SLC4A4: variants seen among roughly 807,000 people sequenced by gnomAD.
SLC4A4 encodes the protein electrogenic sodium bicarbonate cotransporter 1.
In SLC4A4, 27 loss-of-function variants were observed where a neutral mutation model predicts 111.5. The observed-to-expected ratio is 0.24, with a 90% CI of 0.18 to 0.33. The LOEUF (loss-of-function observed/expected upper bound fraction) is 0.33, where lower values mean the gene tolerates loss of function less well. Ranked by LOEUF, SLC4A4 falls within the 10% of genes least tolerant of loss-of-function variation. SLC4A4 has a pLI of 1.00. For synonymous variants in SLC4A4, 443 were observed against 463.4 expected, an observed-to-expected ratio of 0.96 and a Z score of 0.57; for missense variants, 909 against 1,315.5, an observed-to-expected ratio of 0.69 and a Z score of 4.78.
At chr4:71,532,656 C>G (rs1734044761) in intron 17 of SLC4A4, among the ~76,000 whole-genome samples, 2 of 152,072 alleles carry the variant, frequency 1.3e-5, no homozygotes, top group Admixed American at 1.3e-4. Flanking sequence ...TAGGCACATA[C>G]CACCACCCCC....
At chr4:71,363,863 G>A (rs1326413992) in intron 6 of SLC4A4, among the ~76,000 whole-genome samples, 1 of 152,148 alleles carries the variant, frequency 6.6e-6, no homozygotes, top group African/African-American at 2.4e-5. Flanking sequence ...AAAGTTGCTA[G>A]CAAAGTGCCT....
At chr4:71,470,472 A>G (rs556000371) in intron 13 of SLC4A4, among the ~76,000 whole-genome samples, 1 of 152,192 alleles carries the variant, frequency 6.6e-6, no homozygotes, top group East Asian at 1.9e-4. Flanking sequence ...TACAATTTTT[A>G]AAAGGAAAAT....
intron 7 of SLC4A4, among the ~76,000 whole-genome samples, chr4:71,434,901 C>T (rs1723981352): frequency 6.6e-6 from 1 of 152,122 alleles, no homozygotes; most frequent in Admixed American, 6.5e-5. Flanking sequence ...CTACAAACCA[C>T]TGCTCAACGA....
At chr4:71,446,341 C>T (rs1577924037) in intron 8 of SLC4A4, among the ~76,000 whole-genome samples, 1 of 151,984 alleles carries the variant, frequency 6.6e-6, no homozygotes, top group African/African-American at 2.4e-5. Flanking sequence ...GTTTCTGGTA[C>T]CATAAAAATC....
chr4:71,158,223 A>T (rs1578535410), intron 2 of SLC4A4, among the ~76,000 whole-genome samples: 1 of 151,752 alleles, frequency 6.6e-6, no homozygotes, highest in South Asian at 2.1e-4. Context: ...GCCACACAGC[A>T]TCTCCATAGA....
chr4:71,319,329 G>C (rs1343890121), intron 3 of SLC4A4, among the ~76,000 whole-genome samples: 2 of 151,896 alleles, frequency 1.3e-5, no homozygotes, highest in South Asian at 4.2e-4. Flanking sequence ...TAGGTCTCTG[G>C]AGTTGGTTAT....
At chr4:71,202,407 C>T (rs1322166671) in intron 1 of SLC4A4, among the ~76,000 whole-genome samples, 2 of 152,178 alleles carry the variant, frequency 1.3e-5, no homozygotes, top group Non-Finnish European at 2.9e-5. Context: ...CACCCTTCCC[C>T]CACCTCCTCA....
At chr4:71,227,835 AGAG>A in intron 1 of SLC4A4, among the ~76,000 whole-genome samples, 1 of 152,324 alleles carries the variant, frequency 6.6e-6, no homozygotes, top group Non-Finnish European at 1.5e-5. Flanking sequence ...GAAAGCTAAA[AGAG>A]TTTAGAAGGG....
rs147955323 is a variant in SLC4A4, at chr4:71,546,361, G to T, written c.2454G>T (p.Gly818=). Residue 818 remains glycine, a synonymous_variant, in exon 19 of 26, where the codon GGG becomes GGT. Transcript: ENST00000264485. ...ATCTCTTTCTACAGAAAGGAGCAGG[G>T]TATCACTTGGATCTCTTTTGGGTGG... ...RKEHKLKKGA[G]YHLDLFWVAI... is the part of the protein sequence containing the mutation. 1.2e-6 allele frequency: 2 copies of T among 1,612,382 alleles called. No homozygotes were observed. Among genetic ancestry groups the T allele is most frequent in the African/African-American group, 1.3e-5 (1 of 74,936 alleles).
At chr4:71,563,912 A>G (rs1737217197) in intron 24 of SLC4A4, 23 bp downstream of exon 24, 1 of 1,441,882 alleles carries the variant, frequency 6.9e-7, no homozygotes, top group Non-Finnish European at 9.8e-7. Flanking sequence ...AACCTCTTGC[A>G]TGCTTGCTTG....
intron 14 of SLC4A4, among the ~76,000 whole-genome samples, chr4:71,485,243 C>A (rs1729264306): frequency 6.6e-6 from 1 of 151,628 alleles, no homozygotes; most frequent in South Asian, 2.1e-4. Flanking sequence ...AAGTTTTGCC[C>A]ATTCAATATG....
intron 2 of SLC4A4, among the ~76,000 whole-genome samples, chr4:71,101,355 T>A (rs1300304868): frequency 1.3e-5 from 2 of 152,224 alleles, no homozygotes; most frequent in Non-Finnish European, 2.9e-5. Context: ...ACAGATTCAA[T>A]GCTGTACCTA....
intron 3 of SLC4A4, among the ~76,000 whole-genome samples, chr4:71,317,060 G>C (rs1242150310): frequency 8.7e-6 from 1 of 114,396 alleles, no homozygotes; most frequent in African/African-American, 3.2e-5. Flanking sequence ...GCTGTAACAG[G>C]GTTGTGTGTG....
intron 15 of SLC4A4, among the ~76,000 whole-genome samples, chr4:71,495,834 A>C (rs1730351696): frequency 6.6e-6 from 1 of 152,076 alleles, no homozygotes; most frequent in South Asian, 2.1e-4. Context: ...CCCTGGACCT[A>C]AGAGGAGTAA....
At chr4:71,349,342 T>C (rs1343686150) in intron 4 of SLC4A4, among the ~76,000 whole-genome samples, 4 of 152,296 alleles carry the variant, frequency 2.6e-5, no homozygotes, top group Middle Eastern at 3.4e-3. Context: ...TCAGCTGAGA[T>C]ATGTATATTA....
chr4:71,391,814 T>A (rs1451760121), intron 6 of SLC4A4, among the ~76,000 whole-genome samples: 1 of 152,000 alleles, frequency 6.6e-6, no homozygotes, highest in Admixed American at 6.6e-5. Flanking sequence ...GGATTTTAGG[T>A]GGAAAGGTCC....
intron 2 of SLC4A4, among the ~76,000 whole-genome samples, chr4:71,105,169 C>T (rs1742871714): frequency 1.4e-5 from 2 of 146,444 alleles, no homozygotes; most frequent in Non-Finnish European, 3.0e-5. Context: ...CTCCCATTCA[C>T]AATTGCTTCA....
At position 71,156,790 on chromosome 4, in the gene SLC4A4, C is replaced by T. The variant is rs6829155; in HGVS notation, c.-2+63998C>T. 9.3e-4 allele frequency among the ~76,000 whole-genome samples: 142 copies of T among 152,294 alleles called. 1 individual carries two copies. The highest frequency in any genetic ancestry group is 3.3e-3 in the African/African-American group (137 of 41,566). On this transcript the variant is annotated intron_variant, in intron 2 of 26. Coordinates refer to the SLC4A4 transcript ENST00000649996. Reference sequence around the variant, plus strand: ...ATTTTCCTCCTGATTTCTTGCATTTCATCAGCAGTAGTTTTTGGCCTCGTT... The same window carrying T: ...ATTTTCCTCCTGATTTCTTGCATTTTATCAGCAGTAGTTTTTGGCCTCGTT...
At position 71,208,439 on chromosome 4, in the gene SLC4A4, A is replaced by T. The variant is rs1467284732; in HGVS notation, c.-2+21038A>T. 1.0e-2 allele frequency among the ~76,000 whole-genome samples: 1,417 copies of T among 142,076 alleles called. 7 individuals carry two copies. The highest frequency in any genetic ancestry group is 0.014 in the Middle Eastern group (4 of 278). The allele number at this position is 142,076 out of a possible 152,430, so 93.2% of individuals were successfully genotyped here. A position where few individuals can be genotyped will look rare whatever the true frequency, so the allele number is the denominator to read the frequency against. ...GGGTGAGACTCCGTCTCAAAAAAAA[A>T]AAAAATATATATATATATAATAAAA... On this transcript the variant is annotated intron_variant, in intron 1 of 25. Transcript: ENST00000264485.
Sources: allele counts gnomAD v4.1 joint callset (sites outside exome capture counted in the v4.1 genomes callset), GRCh38; gene constraint gnomAD v4.1.1; transcripts MANE v1.5; gene names NCBI Gene and HGNC (gene_info 2026-07-23, HGNC 2026-07-21).